The following TMEM132D variants were observed in gnomAD, a reference collection of about 807,000 sequenced individuals.
The protein encoded by TMEM132D is transmembrane protein 132D.
Under a neutral mutation model 62.3 loss-of-function variants are expected in TMEM132D, and 21 were observed. The ratio of observed to expected loss-of-function variants is 0.34; its 90% CI spans 0.24 to 0.49. The LOEUF is 0.49. TMEM132D is among the 20% of genes least tolerant of loss of function. The pLI is 0.99. For synonymous variants in TMEM132D, 621 were observed against 575.6 expected (o/e 1.08, Z -1.13); for missense variants, 1,346 against 1,402.8 (o/e 0.96, Z 0.65).
At chr12:129,530,838 C>T (rs189489806) in intron 3 of TMEM132D, among the ~76,000 whole-genome samples, 72 of 152,118 alleles carry the variant, frequency 4.7e-4, no homozygotes, top group East Asian at 1.4e-3. Flanking sequence ...GCAGGTGATA[C>T]GGTGCTCTGC....
At chr12:129,569,574 C>T (rs1197852932) in intron 2 of TMEM132D, among the ~76,000 whole-genome samples, 1 of 152,112 alleles carries the variant, frequency 6.6e-6, no homozygotes. Flanking sequence ...TTTTAGGATT[C>T]AAAGGGGTAA....
At chr12:129,142,265 C>A (rs1876767411) in intron 5 of TMEM132D, among the ~76,000 whole-genome samples, 1 of 152,124 alleles carries the variant, frequency 6.6e-6, no homozygotes, top group African/African-American at 2.4e-5. Context: ...TGATGACCAT[C>A]ATCTGCATGT....
At chr12:129,760,618 A>G (rs1299019411) in intron 1 of TMEM132D, among the ~76,000 whole-genome samples, 3 of 149,612 alleles carry the variant, frequency 2.0e-5, no homozygotes, top group Non-Finnish European at 3.0e-5. Context: ...AAGTACTGGG[A>G]TTACAGGCAT....
chr12:129,090,824 C>T (rs1462896473), intron 5 of TMEM132D, among the ~76,000 whole-genome samples: 3 of 152,194 alleles, frequency 2.0e-5, no homozygotes, highest in Non-Finnish European at 4.4e-5. Flanking sequence ...TCTGACTTGG[C>T]CCTGATGGGG....
At chr12:129,427,191 T>C (rs1393865222) in intron 3 of TMEM132D, among the ~76,000 whole-genome samples, 3 of 152,272 alleles carry the variant, frequency 2.0e-5, no homozygotes, top group Admixed American at 6.5e-5. Flanking sequence ...AACAAAACTA[T>C]ATGGATGGTA....
intron 5 of TMEM132D, among the ~76,000 whole-genome samples, chr12:129,158,701 G>C (rs1329630217): frequency 6.6e-6 from 1 of 151,074 alleles, no homozygotes; most frequent in Non-Finnish European, 1.5e-5. Flanking sequence ...AGAGCACATT[G>C]GGGAATTTCA....
chr12:129,778,114 CAAAA>C (rs35384142), intron 1 of TMEM132D, among the ~76,000 whole-genome samples: 71 of 85,346 alleles, frequency 8.3e-4, no homozygotes, highest in African/African-American at 2.7e-3. Context: ...GACCCTGTCT[CAAAA>C]AAAAAAAAAA....
At chr12:129,736,072 C>T (rs1593141054) in intron 1 of TMEM132D, among the ~76,000 whole-genome samples, 2 of 152,210 alleles carry the variant, frequency 1.3e-5, no homozygotes, top group East Asian at 1.9e-4. Context: ...TGTACATCCT[C>T]ATCTCGCCCA....
intron 3 of TMEM132D, among the ~76,000 whole-genome samples, chr12:129,431,588 G>A (rs1205973866): frequency 6.6e-6 from 1 of 152,122 alleles, no homozygotes; most frequent in Non-Finnish European, 1.5e-5. Flanking sequence ...GCAAGCCAAG[G>A]TCACCTCCCT....
intron 3 of TMEM132D, among the ~76,000 whole-genome samples, chr12:129,407,272 A>T (rs911984766): frequency 2.6e-5 from 4 of 152,192 alleles, no homozygotes; most frequent in Non-Finnish European, 4.4e-5. Flanking sequence ...CAGAGGAGAA[A>T]AATGTTAATC....
At chr12:129,574,520 C>T (rs1162367756) in intron 2 of TMEM132D, among the ~76,000 whole-genome samples, 1 of 151,876 alleles carries the variant, frequency 6.6e-6, no homozygotes, top group East Asian at 1.9e-4. Context: ...GCCAGAGCAG[C>T]GATTGTGTGC....
At chr12:129,101,239 C>T (rs1398611025) in intron 5 of TMEM132D, among the ~76,000 whole-genome samples, 2 of 152,230 alleles carry the variant, frequency 1.3e-5, no homozygotes, top group African/African-American at 4.8e-5. Context: ...CTGGCCGAGC[C>T]TCCAACAAAC....
chr12:129,184,147 C>A (rs1329831077), intron 5 of TMEM132D, among the ~76,000 whole-genome samples: 1 of 152,198 alleles, frequency 6.6e-6, no homozygotes, highest in African/African-American at 2.4e-5. Flanking sequence ...CTGTCACCAC[C>A]AAGTCTGCAG....
rs142773606 is a variant in TMEM132D, at chr12:129,199,280, T to C, written c.1443+10240A>G. ...ATGCACCCAGCTAATTTTTGTATTT[T>C]TGGTAGAGATAGGGTTTCGCCATGT... On this transcript the variant is annotated intron_variant, in intron 5 of 8. Transcript: ENST00000422113. Among the ~76,000 whole-genome samples the C allele has an allele frequency of 1.2e-3, 184 of 152,248 alleles. 1 individual carries two copies. The highest frequency in any genetic ancestry group is 0.01 in the Middle Eastern group (3 of 294).
At chr12:129,824,552 C>T (rs1390961561) in intron 1 of TMEM132D, among the ~76,000 whole-genome samples, 1 of 151,996 alleles carries the variant, frequency 6.6e-6, no homozygotes, top group Non-Finnish European at 1.5e-5. Context: ...GGTGGGGGCC[C>T]CCGGGATGGG....
intron 4 of TMEM132D, among the ~76,000 whole-genome samples, chr12:129,214,539 A>T (rs1253509261): frequency 1.3e-5 from 2 of 152,204 alleles, no homozygotes; most frequent in Non-Finnish European, 2.9e-5. Context: ...TGGCTGTAAC[A>T]TGCCTGAATA....
intron 1 of TMEM132D, among the ~76,000 whole-genome samples, chr12:129,860,323 T>C (rs188315716): frequency 6.6e-6 from 1 of 152,316 alleles, no homozygotes; most frequent in African/African-American, 2.4e-5. Context: ...AGAACTTTAT[T>C]TGACATACCA....
At chr12:129,488,126 C>T (rs747168077) in intron 3 of TMEM132D, among the ~76,000 whole-genome samples, 5 of 152,006 alleles carry the variant, frequency 3.3e-5, no homozygotes, top group Non-Finnish European at 5.9e-5. Context: ...CGCACCAATG[C>T]CGGCACCTTG....
rs185787144 is a variant in TMEM132D, at chr12:129,346,142, C to T, written c.1116-8325G>A. ...CTTGTTATTGGTCTATTCAGGGATTCGACTTCTTCCTGGTTTAGTCTTTGT... is the reference window on the plus strand; with the variant it reads ...CTTGTTATTGGTCTATTCAGGGATTTGACTTCTTCCTGGTTTAGTCTTTGT... On this transcript the variant is annotated intron_variant, in intron 3 of 8. Transcript: ENST00000422113. 2.8e-3 allele frequency among the ~76,000 whole-genome samples: 425 copies of T among 152,154 alleles called. 2 individuals carry two copies. Among genetic ancestry groups the T allele is most frequent in the African/African-American group, 1.0e-2 (415 of 41,522 alleles).
Sources: allele counts gnomAD v4.1 joint callset (sites outside exome capture counted in the v4.1 genomes callset), GRCh38; gene constraint gnomAD v4.1.1; transcripts MANE v1.5; gene names NCBI Gene and HGNC (gene_info 2026-07-23, HGNC 2026-07-21).